SCN8A: variants seen among roughly 807,000 people sequenced by gnomAD.
SCN8A encodes the protein sodium voltage-gated channel alpha subunit 8.
SCN8A carries 30 observed loss-of-function variants against 184.1 expected under a neutral mutation model. The observed-to-expected ratio is 0.16, with a 90% CI of 0.12 to 0.22. The LOEUF (loss-of-function observed/expected upper bound fraction) is 0.22, where lower values mean the gene tolerates loss of function less well. SCN8A is among the 10% of genes least tolerant of loss of function. The probability of loss-of-function intolerance (pLI) is 1.00; values close to 1 mark genes in which losing one functional copy is unlikely to be tolerated. For missense variants in SCN8A, 1,057 were observed against 2,498.9 expected (o/e 0.42, Z 12.30); for synonymous variants, 852 against 907.0 (o/e 0.94, Z 1.09).
chr12:51,758,302 T>C (rs1322766796), intron 14 of SCN8A, among the ~76,000 whole-genome samples: 3 of 152,166 alleles, frequency 2.0e-5, no homozygotes, highest in Admixed American at 2.0e-4. Context: ...AAAATAAATA[T>C]CACAATAATA....
chr12:51,726,391 A>C (rs1942155732), intron 12 of SCN8A, among the ~76,000 whole-genome samples: 1 of 152,236 alleles, frequency 6.6e-6, no homozygotes, highest in African/African-American at 2.4e-5. Flanking sequence ...AGATACTGCT[A>C]TTGGCTGCAT....
intron 5 of SCN8A, chr12:51,688,656 A>T (rs1311492304): frequency 6.5e-6 from 5 of 774,830 alleles, no homozygotes; most frequent in Non-Finnish European, 1.1e-5. Context: ...TTCAAGGAAA[A>T]AAAATGAAAC....
At chr12:51,799,497 A>G (rs1207459661) in intron 26 of SCN8A, among the ~76,000 whole-genome samples, 2 of 152,224 alleles carry the variant, frequency 1.3e-5, no homozygotes, top group African/African-American at 4.8e-5. Flanking sequence ...GCCTTGCTCC[A>G]AAATCCTACG....
chr12:51,770,376 C>T, intron 18 of SCN8A, 153 bp from the exon 19 acceptor site: 1 of 865,054 alleles, frequency 1.2e-6, no homozygotes, highest in Non-Finnish European at 1.7e-6. Context: ...CCCTGCCACC[C>T]TCTCCATTTC....
rs770234606 is a variant in SCN8A at position 51,624,326 on chromosome 12, T to A, written c.-55+32967T>A. 1.8e-3 allele frequency among the ~76,000 whole-genome samples: 268 copies of A among 152,382 alleles called. 1 individual carries two copies. Among genetic ancestry groups the A allele is most frequent in the Middle Eastern group, 6.8e-3 (2 of 294 alleles). On this transcript the variant is annotated intron_variant, in intron 1 of 26. Transcript: ENST00000627620. ...ATTCTAACTGGTGTGAGATGGTATCTCACTGTGGTTTTGATTTGCATTTTT... is the reference window on the plus strand; with the variant it reads ...ATTCTAACTGGTGTGAGATGGTATCACACTGTGGTTTTGATTTGCATTTTT...
At position 51,721,795 on chromosome 12, in the gene SCN8A, A is replaced by G. The variant is rs1036936421; in HGVS notation, c.1885A>G (p.Ile629Val). The change falls in exon 12 of 27, where the codon ATC (isoleucine) becomes GTC (valine). Residue 629 changes from isoleucine (I) to valine (V), a missense_variant. Transcript: ENST00000627620. ...CAGCCAGGGCAGCCGCTCCTCGCGC[A>G]TCTTCCCCAGCCTGCGGCGCAGCGT... ...GYSQGSRSSR[I>V]FPSLRRSVKR... is the part of the protein sequence containing the mutation. The G allele has an allele frequency of 1.9e-6, 3 of 1,610,106 alleles. No individual in the cohort carries two copies. The highest frequency in any genetic ancestry group is 2.2e-5 in the East Asian group (1 of 44,850).
At chr12:51,657,196 C>T (rs192633642) in intron 1 of SCN8A, among the ~76,000 whole-genome samples, 11 of 152,044 alleles carry the variant, frequency 7.2e-5, no homozygotes, top group Admixed American at 7.2e-4. Context: ...TTAATTGGCA[C>T]ATAATATGTG....
In SCN8A at chr12:51,747,089, ATGTG is replaced by A. The variant is rs60490453; in HGVS notation, c.2131+1094_2131+1097del. On this transcript the variant is annotated intron_variant, in intron 13 of 26. Transcript: ENST00000627620. ...CCAGTGCCACTTCTACTCTGTGTGT[ATGTG>A]TGTGTGTGTGTGTGTGTGTGTGTGT... is the stretch of plus-strand genomic sequence containing the variant. Among the ~76,000 whole-genome samples, 158 of 81,306 alleles carry A rather than the reference ATGTG, an allele frequency of 1.9e-3. 1 individual carries two copies. The highest frequency in any genetic ancestry group is 3.8e-3 in the South Asian group (11 of 2,908). The allele number at this position is 81,306 out of a possible 152,430, so 53.3% of individuals were successfully genotyped here.
At chr12:51,702,995 T>G (rs1483702637) in intron 9 of SCN8A, 81 bp downstream of exon 9, 4 of 1,312,366 alleles carry the variant, frequency 3.0e-6, no homozygotes, top group Non-Finnish European at 4.1e-6. Flanking sequence ...TGAGAGACAT[T>G]TAGTGAAGAC....
intron 1 of SCN8A, among the ~76,000 whole-genome samples, chr12:51,649,302 G>T (rs191798211): frequency 2.0e-5 from 3 of 152,130 alleles, no homozygotes; most frequent in Non-Finnish European, 4.4e-5. Flanking sequence ...GCAATTGGTC[G>T]GTAGATCTAC....
intron 19 of SCN8A, among the ~76,000 whole-genome samples, chr12:51,771,433 CA>C (rs112882505): frequency 6.1e-4 from 86 of 140,290 alleles, no homozygotes; most frequent in Non-Finnish European, 6.1e-4. Context: ...AATCTGGAAG[CA>C]AAAAAAAAAA....
chr12:51,733,218 A>G (rs925899539), intron 12 of SCN8A, among the ~76,000 whole-genome samples: 1 of 152,236 alleles, frequency 6.6e-6, no homozygotes. Context: ...ATTATATTGA[A>G]GTATGGTCCT....
At chr12:51,800,303 G>A (rs971341515) in intron 26 of SCN8A, among the ~76,000 whole-genome samples, 7 of 152,200 alleles carry the variant, frequency 4.6e-5, no homozygotes, top group South Asian at 2.1e-4. Flanking sequence ...AGTTGGAGTC[G>A]TCACCACTTG....
chr12:51,740,858 C>T (rs139714419), intron 12 of SCN8A, among the ~76,000 whole-genome samples: 133 of 152,272 alleles, frequency 8.7e-4, no homozygotes, highest in Non-Finnish European at 1.4e-3. Flanking sequence ...GATCTCAGCC[C>T]GCTGCAGCCT....
chr12:51,713,906 C>T (rs1460936192), intron 11 of SCN8A, among the ~76,000 whole-genome samples: 2 of 149,924 alleles, frequency 1.3e-5, no homozygotes, highest in African/African-American at 4.9e-5. Context: ...AATGATAAAC[C>T]CATTACATGA....
Position 51,762,571 on chromosome 12 carries a change from C to T in SCN8A, c.2439C>T (p.Phe813=). 1 of 1,613,324 alleles carries T rather than the reference C, an allele frequency of 6.2e-7. No homozygotes were observed. The highest frequency in any genetic ancestry group is 8.5e-7 in the Non-Finnish European group (1 of 1,179,664). The change falls in exon 15 of 27, where the codon TTC becomes TTT. Residue 813 remains phenylalanine (F), a synonymous_variant. Coordinates refer to ENST00000627620, the MANE Select transcript of SCN8A (RefSeq NM_001330260.2). ...KLIAMDPYYY[F]QEGWNIFDGF... is the part of the protein sequence containing the mutation. ...TAGCCATGGATCCCTACTATTATTTCCAAGAAGGTTGGAACATTTTTGACG... is the reference window on the plus strand; with the variant it reads ...TAGCCATGGATCCCTACTATTATTTTCAAGAAGGTTGGAACATTTTTGACG...
chr12:51,671,377 C>T (rs1222072605), intron 2 of SCN8A, among the ~76,000 whole-genome samples: 1 of 152,156 alleles, frequency 6.6e-6, no homozygotes, highest in Non-Finnish European at 1.5e-5. Flanking sequence ...AGGTACTAAG[C>T]TGTGATTCCA....
chr12:51,791,286 G>A (rs1270984298), intron 25 of SCN8A, among the ~76,000 whole-genome samples: 4 of 152,152 alleles, frequency 2.6e-5, no homozygotes, highest in Admixed American at 6.5e-5. Context: ...TAAAAGTAGA[G>A]TGACTATGTT....
intron 1 of SCN8A, among the ~76,000 whole-genome samples, chr12:51,607,009 T>C (rs1243755702): frequency 1.3e-5 from 2 of 151,942 alleles, no homozygotes; most frequent in Non-Finnish European, 2.9e-5. Context: ...GCAATTCTCC[T>C]GCCTCAGCCT....
Sources: allele counts gnomAD v4.1 joint callset (sites outside exome capture counted in the v4.1 genomes callset), GRCh38; gene constraint gnomAD v4.1.1; transcripts MANE v1.5; gene names NCBI Gene and HGNC (gene_info 2026-07-23, HGNC 2026-07-21).